Variants in PPP3R1 observed in about 807,000 individuals in gnomAD.
PPP3R1 encodes calcineurin subunit B type 1.
PPP3R1 carries 5 observed loss-of-function variants against 22.6 expected under a neutral mutation model. That is an observed-to-expected ratio of 0.22 (90% confidence interval 0.12 to 0.46). The LOEUF is 0.46. Ranked by LOEUF, PPP3R1 falls within the 20% of genes least tolerant of loss-of-function variation. The pLI, the probability that PPP3R1 is intolerant of heterozygous loss-of-function variation, is 0.99. For synonymous variants in PPP3R1, 56 were observed against 65.2 expected (o/e 0.86, Z 0.68); for missense variants, 61 against 203.2 (o/e 0.30, Z 4.25).
At chr2:68,203,630 G>A (rs1184326979) in intron 2 of PPP3R1, among the ~76,000 whole-genome samples, 6 of 151,286 alleles carry the variant, frequency 4.0e-5, no homozygotes, top group Non-Finnish European at 5.9e-5. Flanking sequence ...AAATGAAAGA[G>A]GAAATCAAAT....
chr2:68,217,039 C>CGAAG, intron 2 of PPP3R1, 53 bp downstream of exon 2: 1 of 1,084,904 alleles, frequency 9.2e-7, no homozygotes. Flanking sequence ...CACACACACA[C>CGAAG]AGAGAGAGAT....
Position 68,232,147 on chromosome 2 carries a change from G to GTA in PPP3R1, c.4-15018_4-15017dup, listed in dbSNP as rs374617152. Among the ~76,000 whole-genome samples, 44 of 60,794 alleles carry GTA rather than the reference G, an allele frequency of 7.2e-4. 1 individual carries two copies. The highest frequency in any genetic ancestry group is 2.1e-3 in the African/African-American group (20 of 9,420). 39.9% of individuals were successfully genotyped at this position (60,794 alleles called of 152,430 possible). A position where few individuals can be genotyped will look rare whatever the true frequency, so the allele number is the denominator to read the frequency against. On this transcript the variant is annotated intron_variant, in intron 1 of 5. Coordinates refer to ENST00000234310, the MANE Select transcript of PPP3R1 (RefSeq NM_000945.4). ...TATACACACACACACACATATATAT[G>GTA]TATATATATATACATATATAAATAC...
At chr2:68,244,056 T>G (rs1286164425) in intron 1 of PPP3R1, among the ~76,000 whole-genome samples, 1 of 152,190 alleles carries the variant, frequency 6.6e-6, no homozygotes, top group Non-Finnish European at 1.5e-5. Flanking sequence ...ACTACATTAA[T>G]GTAGTGTCTT....
chr2:68,229,076 T>TG (rs1429592315), intron 1 of PPP3R1, among the ~76,000 whole-genome samples: 2 of 152,094 alleles, frequency 1.3e-5, no homozygotes, highest in African/African-American at 4.8e-5. Context: ...TTGAGTGTAG[T>TG]GGCATGACAT....
At chr2:68,181,106 G>A in intron 5 of PPP3R1, 96 bp from the exon 6 acceptor site, 8 of 1,220,634 alleles carry the variant, frequency 6.6e-6, no homozygotes, top group Non-Finnish European at 9.5e-6. Flanking sequence ...ATATTACTAG[G>A]GGGCTGGGCG....
rs574626088 is a variant in PPP3R1, at chr2:68,188,153, G to C, written c.220+361C>G. 1.1e-4 allele frequency among the ~76,000 whole-genome samples: 17 copies of C among 152,270 alleles called. No individual in the cohort carries two copies. The South Asian group carries it at 1.9e-3, about 17-fold the overall frequency. ...CCACCACATTCCAGCCTGGGCAAAAGAGCGAGACTCCATCTCAAAAAAATT... is the reference window on the plus strand; with the variant it reads ...CCACCACATTCCAGCCTGGGCAAAACAGCGAGACTCCATCTCAAAAAAATT... On this transcript the variant is annotated intron_variant, in intron 3 of 5. Transcript: ENST00000234310.
At chr2:68,214,537 C>A (rs1460630684) in intron 2 of PPP3R1, among the ~76,000 whole-genome samples, 1 of 152,100 alleles carries the variant, frequency 6.6e-6, no homozygotes, top group East Asian at 1.9e-4. Context: ...AAATTCTCAA[C>A]ATCACTAATC....
chr2:68,245,945 C>A (rs921699188), intron 1 of PPP3R1, among the ~76,000 whole-genome samples: 1 of 151,912 alleles, frequency 6.6e-6, no homozygotes. Flanking sequence ...TAAGGAGAGT[C>A]ATAAACTCCC....
At chr2:68,206,275 A>T (rs1054867351) in intron 2 of PPP3R1, among the ~76,000 whole-genome samples, 3 of 152,218 alleles carry the variant, frequency 2.0e-5, no homozygotes, top group African/African-American at 7.2e-5. Context: ...GTAAGATCCT[A>T]GAGATGAGAT....
intron 2 of PPP3R1, among the ~76,000 whole-genome samples, chr2:68,216,548 G>A (rs925799837): frequency 6.6e-6 from 1 of 152,078 alleles, no homozygotes; most frequent in Non-Finnish European, 1.5e-5. Flanking sequence ...ACGGAAAGCT[G>A]TACTTTCAAG....
chr2:68,242,599 T>C (rs1350460932), intron 1 of PPP3R1, among the ~76,000 whole-genome samples: 1 of 152,218 alleles, frequency 6.6e-6, no homozygotes, highest in East Asian at 1.9e-4. Context: ...ATTCATGAAA[T>C]TCTATTTGTT....
At chr2:68,228,040 A>G (rs911190062) in intron 1 of PPP3R1, among the ~76,000 whole-genome samples, 1 of 152,148 alleles carries the variant, frequency 6.6e-6, no homozygotes, top group Non-Finnish European at 1.5e-5. Flanking sequence ...TACAGATCTT[A>G]CAGAGAAAGT....
intron 2 of PPP3R1, among the ~76,000 whole-genome samples, chr2:68,191,179 A>C (rs1472081784): frequency 6.6e-6 from 1 of 152,226 alleles, no homozygotes. Flanking sequence ...TACACTGAGA[A>C]ACACATCATT....
chr2:68,208,665 T>C (rs569898259), intron 2 of PPP3R1, among the ~76,000 whole-genome samples: 2 of 152,314 alleles, frequency 1.3e-5, no homozygotes, highest in Admixed American at 1.3e-4. Flanking sequence ...TTGGGTACAG[T>C]GGCTCATGCC....
chr2:68,193,687 C>A lies in PPP3R1; in HGVS notation c.44-4997G>T, dbSNP rs149479222. Among the ~76,000 whole-genome samples the A allele has an allele frequency of 2.6e-5, 4 of 152,144 alleles. No homozygotes were observed. The East Asian group carries it at 7.7e-4, about 29-fold the overall frequency. ...TCCACTTGCCAGCAGTGTTGCTGTG[C>A]TACAGTAGGATATTAGAGTATGAAA... On this transcript the variant is annotated intron_variant, in intron 2 of 5. Transcript: ENST00000234310.
At chr2:68,248,521 C>A (rs1017595745) in intron 1 of PPP3R1, among the ~76,000 whole-genome samples, 1 of 152,186 alleles carries the variant, frequency 6.6e-6, no homozygotes, top group African/African-American at 2.4e-5. Context: ...CAGCCTATAT[C>A]ACAATTACCT....
intron 2 of PPP3R1, among the ~76,000 whole-genome samples, chr2:68,206,698 C>T (rs1045858412): frequency 4.6e-5 from 7 of 152,152 alleles, no homozygotes; most frequent in Admixed American, 2.0e-4. Flanking sequence ...TTTTATTTCT[C>T]GTAATAGTTT....
intron 4 of PPP3R1, 132 bp from the exon 5 acceptor site, chr2:68,186,784 A>G (rs1397220648): frequency 1.0e-5 from 9 of 888,456 alleles, no homozygotes; most frequent in East Asian, 2.6e-5. Context: ...CTTAAAATAG[A>G]GTTGTCCTTA....
At chr2:68,224,887 A>G (rs763007065) in intron 1 of PPP3R1, among the ~76,000 whole-genome samples, 2 of 152,222 alleles carry the variant, frequency 1.3e-5, no homozygotes, top group East Asian at 1.9e-4. Flanking sequence ...ACTTGAATAG[A>G]TATTTCACAA....
Sources: allele counts gnomAD v4.1 joint callset (sites outside exome capture counted in the v4.1 genomes callset), GRCh38; gene constraint gnomAD v4.1.1; transcripts MANE v1.5; gene names NCBI Gene and HGNC (gene_info 2026-07-23, HGNC 2026-07-21).